APBB2: variants seen among roughly 807,000 people sequenced by gnomAD.
The protein encoded by APBB2 is Fe65-like 1.
In APBB2, 38 loss-of-function variants were observed where a neutral mutation model predicts 82.5. That is an observed-to-expected ratio of 0.46 (90% CI 0.36 to 0.60). The LOEUF is 0.60. Ranked by LOEUF, APBB2 falls within the 20% of genes least tolerant of loss-of-function variation. The probability of loss-of-function intolerance (pLI) is 0.00; values close to 1 mark genes in which losing one functional copy is unlikely to be tolerated. For synonymous variants in APBB2, 341 were observed against 368.2 expected, an observed-to-expected ratio of 0.93 and a Z score of 0.85; for missense variants, 772 against 972.3, an observed-to-expected ratio of 0.79 and a Z score of 2.74.
intron 5 of APBB2, among the ~76,000 whole-genome samples, chr4:41,031,394 G>GAA (rs1334556799): frequency 6.6e-6 from 1 of 151,990 alleles, no homozygotes; most frequent in African/African-American, 2.4e-5. Flanking sequence ...ATTTTCAAGT[G>GAA]AAAAAAATGG....
chr4:41,091,385 G>A (rs763505842), intron 3 of APBB2, among the ~76,000 whole-genome samples: 5 of 152,130 alleles, frequency 3.3e-5, no homozygotes, highest in African/African-American at 4.8e-5. Flanking sequence ...GTCACCCCCC[G>A]TTTATTTGCA....
In APBB2 at chr4:40,838,136, C is replaced by CTTT. The variant is rs1366424575; in HGVS notation, c.1530-7560_1530-7559insAAA. On this transcript the variant is annotated intron_variant, in intron 12 of 17. Coordinates refer to ENST00000508593, the MANE Select transcript of APBB2 (RefSeq NM_004307.2). The stretch of plus-strand genomic sequence containing the variant: ...ATAAATGATTCTTTATTCAAGTGGG[C>CTTT]ATTATTATTATTATTATTATTATTA... 1.8e-3 allele frequency among the ~76,000 whole-genome samples: 261 copies of CTTT among 142,194 alleles called. 3 individuals carry two copies. Among genetic ancestry groups the CTTT allele is most frequent in the African/African-American group, 6.4e-3 (247 of 38,734 alleles). The allele number at this position is 142,194 out of a possible 152,430, so 93.3% of individuals were successfully genotyped here.
intron 2 of APBB2, among the ~76,000 whole-genome samples, chr4:41,119,299 G>T (rs1560802639): frequency 2.0e-5 from 3 of 152,032 alleles, no homozygotes; most frequent in Non-Finnish European, 4.4e-5. Flanking sequence ...CTGGGGGAGT[G>T]AGTTTGAACT....
chr4:40,813,567 T>C lies in APBB2; in HGVS notation c.*2525A>G, dbSNP rs940036090. ...TTTTACAAAATTAATTTGCATTTAC[T>C]ATACAATGCCATTTTCAAAACAAAA... On this transcript the variant is annotated 3_prime_UTR_variant, in exon 18 of 18. Coordinates refer to ENST00000508593, the MANE Select transcript of APBB2 (RefSeq NM_004307.2). The C allele has an allele frequency of 2.0e-5, 3 of 152,260 alleles. No homozygotes were observed. Among genetic ancestry groups the C allele is most frequent in the African/African-American group, 7.2e-5 (3 of 41,476 alleles). The allele number at this position is 152,260 out of a possible 1,614,324, so 9.4% of individuals were successfully genotyped here. A position where few individuals can be genotyped will look rare whatever the true frequency, so the allele number is the denominator to read the frequency against.
chr4:40,983,048 T>C (rs1799525462), intron 6 of APBB2, among the ~76,000 whole-genome samples: 1 of 152,224 alleles, frequency 6.6e-6, no homozygotes, highest in Non-Finnish European at 1.5e-5. Context: ...ATGAAAATAC[T>C]AAGCAGCTGA....
chr4:41,176,540 T>G (rs1446237347), intron 1 of APBB2, among the ~76,000 whole-genome samples: 1 of 151,650 alleles, frequency 6.6e-6, no homozygotes, highest in African/African-American at 2.4e-5. Flanking sequence ...AAGTAATATA[T>G]AAAAAGTCCC....
chr4:41,041,457 T>C (rs1210280988), intron 4 of APBB2, among the ~76,000 whole-genome samples: 1 of 152,236 alleles, frequency 6.6e-6, no homozygotes, highest in African/African-American at 2.4e-5. Context: ...TTGTACTCTA[T>C]GGGAATAAAC....
chr4:40,901,159 G>A (rs557202773), intron 10 of APBB2, among the ~76,000 whole-genome samples: 1 of 152,164 alleles, frequency 6.6e-6, no homozygotes, highest in African/African-American at 2.4e-5. Flanking sequence ...ATCTTGGTGA[G>A]CCTCAGTTTC....
At chr4:41,166,847 T>C (rs557203196) in intron 1 of APBB2, among the ~76,000 whole-genome samples, 1 of 150,634 alleles carries the variant, frequency 6.6e-6, no homozygotes, top group East Asian at 2.0e-4. Context: ...CAGTGAGCCG[T>C]GACCACACCA....
intron 6 of APBB2, among the ~76,000 whole-genome samples, chr4:40,951,556 A>AG (rs1170471408): frequency 6.6e-6 from 1 of 152,264 alleles, no homozygotes; most frequent in African/African-American, 2.4e-5. Context: ...TCAATGCGGT[A>AG]GGGACCTTCG....
At chr4:41,186,885 T>A (rs565904044) in intron 1 of APBB2, among the ~76,000 whole-genome samples, 1 of 152,292 alleles carries the variant, frequency 6.6e-6, no homozygotes, top group African/African-American at 2.4e-5. Context: ...CCTAAACTTG[T>A]CAGACTCCAA....
At chr4:40,830,392 G>A (rs142209421) in intron 13 of APBB2, 71 bp downstream of exon 13, 13 of 1,053,438 alleles carry the variant, frequency 1.2e-5, no homozygotes, top group South Asian at 2.5e-5. Flanking sequence ...CCACTCCCCC[G>A]CCCTTCCACA....
chr4:40,996,496 T>C (rs1474574421), intron 6 of APBB2, among the ~76,000 whole-genome samples: 1 of 152,102 alleles, frequency 6.6e-6, no homozygotes, highest in African/African-American at 2.4e-5. Context: ...CTCTCTGACT[T>C]CTCCCTAAAA....
chr4:41,071,334 AT>A (rs1461100836), intron 3 of APBB2, among the ~76,000 whole-genome samples: 1 of 152,218 alleles, frequency 6.6e-6, no homozygotes, highest in Non-Finnish European at 1.5e-5. Flanking sequence ...AATAATTATA[AT>A]TCTCTGCATC....
chr4:41,014,099 G>A lies in APBB2; in HGVS notation c.319C>T (p.Leu107Phe), dbSNP rs1246710672. The A allele has an allele frequency of 6.2e-7, 1 of 1,614,088 alleles. No homozygotes were observed. The highest frequency in any genetic ancestry group is 8.5e-7 in the Non-Finnish European group (1 of 1,180,058). ...TGCCCTTGCTCTGCAGCCTTACGGA[G>A]CTGGTTCTCCCCATTTTTCACCAGC... ...IKLVKNGENQ[L>F]RKAAEQGQQD... The change falls in exon 6 of 18, where the codon CTC (leucine) becomes TTC (phenylalanine). Residue 107 changes from leucine to phenylalanine, a missense_variant. By Grantham distance (22) the Leu-to-Phe change is conservative. Transcript: ENST00000508593.
chr4:41,030,297 G>C (rs6839097), intron 5 of APBB2, among the ~76,000 whole-genome samples: 6,977 of 152,238 alleles, frequency 0.046, 343 homozygotes, highest in African/African-American at 0.12. Context: ...CAGTTATTTA[G>C]GAAGCACAAG....
intron 2 of APBB2, among the ~76,000 whole-genome samples, chr4:41,105,766 G>C (rs1746995289): frequency 1.3e-5 from 2 of 151,968 alleles, no homozygotes; most frequent in Non-Finnish European, 2.9e-5. Context: ...GGCGCCTGTA[G>C]TCCCAGCTAC....
intron 2 of APBB2, among the ~76,000 whole-genome samples, chr4:41,119,701 C>A (rs560352213): frequency 6.6e-6 from 1 of 152,084 alleles, no homozygotes; most frequent in African/African-American, 2.4e-5. Flanking sequence ...TTTCACATAC[C>A]CTGTCCAGAG....
chr4:41,087,801 C>A (rs1194307346), intron 3 of APBB2, among the ~76,000 whole-genome samples: 1 of 152,132 alleles, frequency 6.6e-6, no homozygotes, highest in Non-Finnish European at 1.5e-5. Flanking sequence ...TTACATAAGA[C>A]AATCACAGGG....
Sources: allele counts gnomAD v4.1 joint callset (sites outside exome capture counted in the v4.1 genomes callset), GRCh38; gene constraint gnomAD v4.1.1; transcripts MANE v1.5; gene names NCBI Gene and HGNC (gene_info 2026-07-23, HGNC 2026-07-21).